Variants in SLC45A4 observed in about 807,000 individuals in gnomAD.
SLC45A4 encodes polyamine-transporter SLC45A4.
In SLC45A4, 32 loss-of-function variants were observed where a neutral mutation model predicts 63.7. That is an observed-to-expected ratio of 0.50 (90% CI 0.38 to 0.67). SLC45A4 has a LOEUF of 0.67. SLC45A4 is among the 30% of genes least tolerant of loss of function. The probability of loss-of-function intolerance (pLI) is 0.00; values close to 1 mark genes in which losing one functional copy is unlikely to be tolerated. For synonymous variants in SLC45A4, 535 were observed against 510.0 expected, an observed-to-expected ratio of 1.05 and a Z score of -0.66; for missense variants, 1,027 against 1,157.7, an observed-to-expected ratio of 0.89 and a Z score of 1.64.
intron 2 of SLC45A4, among the ~76,000 whole-genome samples, chr8:141,246,171 G>C (rs187733300): frequency 6.6e-6 from 1 of 152,160 alleles, no homozygotes; most frequent in Non-Finnish European, 1.5e-5. Context: ...TTGAGACAAC[G>C]GGAAAAATTC....
chr8:141,302,359 T>TCAC lies in SLC45A4; in HGVS notation c.-401+5734_-401+5736dup, dbSNP rs1225085908. Among the ~76,000 whole-genome samples, 591 of 145,388 alleles carry TCAC rather than the reference T, an allele frequency of 4.1e-3. 5 individuals are homozygous for TCAC. Among genetic ancestry groups the TCAC allele is most frequent in the African/African-American group, 0.015 (548 of 35,370 alleles). ...ACTGCAACCTCCACGCCACTCACCATCACCACCACCACCACCACCACCCCC... is the reference window on the plus strand; with the variant it reads ...ACTGCAACCTCCACGCCACTCACCATCACCACCACCACCACCACCACCACCCCC... On this transcript the variant is annotated intron_variant, in intron 1 of 8. Transcript: ENST00000517878.
At chr8:141,231,568 G>C (rs1387742437) in intron 2 of SLC45A4, among the ~76,000 whole-genome samples, 1 of 152,236 alleles carries the variant, frequency 6.6e-6, no homozygotes, top group African/African-American at 2.4e-5. Context: ...CAGGTGGGCG[G>C]ACGGCTGGCA....
intron 1 of SLC45A4, among the ~76,000 whole-genome samples, chr8:141,282,741 G>C (rs1830000347): frequency 6.6e-6 from 1 of 152,248 alleles, no homozygotes; most frequent in African/African-American, 2.4e-5. Context: ...TCGCGATTTG[G>C]GACGATGTCG....
Position 141,210,669 on chromosome 8 carries a change from C to CGT in SLC45A4, c.*901_*902dup, listed in dbSNP as rs1167094964. 6.6e-6 allele frequency: 1 copy of CGT among 151,944 alleles called. No homozygotes were observed. 9.4% of individuals were successfully genotyped at this position (151,944 alleles called of 1,614,324 possible). A position where few individuals can be genotyped will look rare whatever the true frequency, so the allele number is the denominator to read the frequency against. ...TTAGTTTCATCTTGAAATATATATA[C>CGT]GTGTATATATATATTTGCTCTAGAA... On this transcript the variant is annotated 3_prime_UTR_variant, in exon 9 of 9. Transcript: ENST00000517878.
intron 2 of SLC45A4, among the ~76,000 whole-genome samples, chr8:141,236,968 T>C (rs1827659012): frequency 6.6e-6 from 1 of 152,192 alleles, no homozygotes; most frequent in African/African-American, 2.4e-5. Flanking sequence ...TTCAAACACA[T>C]TTGTGCTGTT....
At position 141,229,920 on chromosome 8, in the gene SLC45A4, T is replaced by C. The variant is rs149891406; in HGVS notation, c.242-8155A>G. Among the ~76,000 whole-genome samples, 10 of 152,268 alleles carry C rather than the reference T, an allele frequency of 6.6e-5. No homozygotes were observed. Among genetic ancestry groups the C allele is most frequent in the Non-Finnish European group, 1.0e-4 (7 of 68,014 alleles). ...GCATTATGGAGATTAAAGGAGAACATGGTGCGCACAGCTCAGCGCTGGACA... is the reference window on the plus strand; with the variant it reads ...GCATTATGGAGATTAAAGGAGAACACGGTGCGCACAGCTCAGCGCTGGACA... On this transcript the variant is annotated intron_variant, in intron 2 of 8. Coordinates refer to ENST00000517878, the MANE Select transcript of SLC45A4 (RefSeq NM_001286646.2). This position sits in a 1 kb window ranked among gnomAD's most constrained non-coding sequence, Gnocchi z 5.0.
rs1458861343 is a variant in SLC45A4, at chr8:141,285,570, G to C, written c.-401+22526C>G. ...CAACAAATGCATCTTTACAAGTCCT[G>C]TGAGGTCTGCACTCCACCCACTGCA... On this transcript the variant is annotated intron_variant, in intron 1 of 8. Coordinates refer to ENST00000517878, the MANE Select transcript of SLC45A4 (RefSeq NM_001286646.2). Among the ~76,000 whole-genome samples, 24 of 152,196 alleles carry C rather than the reference G, an allele frequency of 1.6e-4. 1 individual carries two copies. Among genetic ancestry groups the C allele is most frequent in the Admixed American group, 1.6e-3 (24 of 15,286 alleles).
intron 1 of SLC45A4, among the ~76,000 whole-genome samples, chr8:141,268,818 T>C (rs1440363565): frequency 6.6e-6 from 1 of 152,008 alleles, no homozygotes; most frequent in East Asian, 1.9e-4. Flanking sequence ...AAGTGTCCTA[T>C]CGTGGAGGCG....
At chr8:141,247,409 G>C (rs986711354) in intron 2 of SLC45A4, among the ~76,000 whole-genome samples, 2 of 147,310 alleles carry the variant, frequency 1.4e-5, no homozygotes, top group Admixed American at 1.4e-4. Flanking sequence ...AAAGACTTAA[G>C]TGTGTTGAGA....
intron 1 of SLC45A4, among the ~76,000 whole-genome samples, chr8:141,291,148 G>A (rs1470468742): frequency 6.6e-6 from 1 of 152,190 alleles, no homozygotes; most frequent in African/African-American, 2.4e-5. Context: ...GCCTCCCAAA[G>A]TGCTGGAATT....
At chr8:141,297,587 C>T (rs560321554) in intron 1 of SLC45A4, among the ~76,000 whole-genome samples, 12 of 152,356 alleles carry the variant, frequency 7.9e-5, no homozygotes, top group East Asian at 1.9e-4. Flanking sequence ...GCACCAGCCA[C>T]GGGCCCTTAT....
At chr8:141,216,112 C>T in intron 6 of SLC45A4, 142 bp from the exon 7 acceptor site, 1 of 734,348 alleles carries the variant, frequency 1.4e-6, no homozygotes, top group Non-Finnish European at 2.3e-6. Flanking sequence ...CAGGCAGGCA[C>T]AGCTGGCACA....
chr8:141,300,964 C>T (rs1009837820), intron 1 of SLC45A4, among the ~76,000 whole-genome samples: 12 of 152,218 alleles, frequency 7.9e-5, no homozygotes, highest in African/African-American at 2.9e-4. Context: ...CACAGCACAG[C>T]AAGCGCCCCG....
Position 141,217,097 on chromosome 8 carries a change from A to G in SLC45A4, c.1722T>C (p.Ile574=). 1.9e-6 allele frequency: 3 copies of G among 1,613,930 alleles called. No homozygotes were observed. Among genetic ancestry groups the G allele is most frequent in the Non-Finnish European group, 2.5e-6 (3 of 1,179,976 alleles). ...GACTTGGGGAGCTCTTACCTGAACA[A>G]ATAGCACCAGTGGCGGCATAAATGA... ...GLVIYAATGA[I]CSALLQKYLD... Residue 574 remains isoleucine (I), a synonymous_variant, in exon 6 of 9, where the codon ATT becomes ATC. Coordinates refer to ENST00000517878, the MANE Select transcript of SLC45A4 (RefSeq NM_001286646.2).
intron 1 of SLC45A4, among the ~76,000 whole-genome samples, chr8:141,299,478 G>A (rs1025448078): frequency 2.6e-5 from 4 of 152,202 alleles, no homozygotes; most frequent in Admixed American, 6.5e-5. Flanking sequence ...TGTGGGTGTC[G>A]TTCTCGCCAC....
At chr8:141,211,843 G>A in intron 8 of SLC45A4, 146 bp from the exon 9 acceptor site, 1 of 1,300,940 alleles carries the variant, frequency 7.7e-7, no homozygotes, top group Non-Finnish European at 9.9e-7. Flanking sequence ...TTTCTAAGTT[G>A]CTTATTGTCT....
At chr8:141,233,781 G>A (rs530751077) in intron 2 of SLC45A4, among the ~76,000 whole-genome samples, 3 of 152,292 alleles carry the variant, frequency 2.0e-5, no homozygotes, top group South Asian at 4.1e-4. Context: ...CCTGGGAAAC[G>A]GCTATGGAGC....
chr8:141,279,879 C>T (rs1292644710), intron 1 of SLC45A4, among the ~76,000 whole-genome samples: 1 of 152,212 alleles, frequency 6.6e-6, no homozygotes, highest in Admixed American at 6.5e-5. Context: ...AATAAAGTTC[C>T]CCCCAAACAC....
intron 1 of SLC45A4, among the ~76,000 whole-genome samples, chr8:141,255,702 T>C (rs1195583879): frequency 6.6e-6 from 1 of 151,292 alleles, no homozygotes; most frequent in African/African-American, 2.4e-5. Flanking sequence ...GGCAACAGAG[T>C]GAGACCCTGT....
Sources: gnomAD v4.1 joint callset for allele counts (sites outside exome capture counted in the v4.1 genomes callset) on GRCh38, gnomAD v4.1.1 for gene constraint, Gnocchi (gnomAD v3.1) non-coding constraint, MANE v1.5 for transcripts, NCBI Gene and HGNC (gene_info 2026-07-23, HGNC 2026-07-21) for gene names.